RSPO3: variants seen among roughly 807,000 people sequenced by gnomAD.
RSPO3 encodes the protein R-spondin-3.
A neutral mutation model predicts 36.5 loss-of-function variants in RSPO3; 17 were observed. The ratio of observed to expected loss-of-function variants is 0.47; its 90% CI spans 0.32 to 0.70. RSPO3 has a LOEUF of 0.70. Ranked by LOEUF, RSPO3 falls within the 30% of genes least tolerant of loss-of-function variation. The pLI is 0.04. For synonymous variants in RSPO3, 108 were observed against 107.0 expected (o/e 1.01, Z -0.06); for missense variants, 294 against 322.5 (o/e 0.91, Z 0.68).
At chr6:127,188,818 A>C (rs1775350002) in intron 4 of RSPO3, among the ~76,000 whole-genome samples, 1 of 152,154 alleles carries the variant, frequency 6.6e-6, no homozygotes, top group African/African-American at 2.4e-5. Context: ...GTACACTCCA[A>C]ATCTTGATTT....
At chr6:127,119,327 C>A in intron 1 of RSPO3, 38 bp downstream of exon 1, 1 of 1,457,574 alleles carries the variant, frequency 6.9e-7, no homozygotes, top group Non-Finnish European at 9.6e-7. Context: ...CTCCCTCCCG[C>A]CGCGTTCACC....
chr6:127,147,176 T>A (rs1582794442), intron 1 of RSPO3, among the ~76,000 whole-genome samples: 1 of 152,172 alleles, frequency 6.6e-6, no homozygotes, highest in East Asian at 1.9e-4. Context: ...GATGGTTTCC[T>A]ACAGGCAGAG....
chr6:127,154,561 A>G (rs1428050198), intron 3 of RSPO3, among the ~76,000 whole-genome samples: 2 of 152,126 alleles, frequency 1.3e-5, no homozygotes, highest in African/African-American at 4.8e-5. Flanking sequence ...CCTGAACCAT[A>G]CTCAGTAACA....
At chr6:127,164,602 G>T (rs958840347) in intron 4 of RSPO3, among the ~76,000 whole-genome samples, 1 of 151,964 alleles carries the variant, frequency 6.6e-6, no homozygotes, top group African/African-American at 2.4e-5. Flanking sequence ...GCATATGAAT[G>T]GTTTCTGGAA....
At chr6:127,122,227 T>TA (rs1773859959) in intron 1 of RSPO3, among the ~76,000 whole-genome samples, 1 of 152,176 alleles carries the variant, frequency 6.6e-6, no homozygotes, top group Non-Finnish European at 1.5e-5. Flanking sequence ...TTTCTTCTCA[T>TA]AAAAGAAACA....
intron 4 of RSPO3, among the ~76,000 whole-genome samples, chr6:127,187,267 G>A (rs1775314738): frequency 6.6e-6 from 1 of 152,098 alleles, no homozygotes; most frequent in African/African-American, 2.4e-5. Flanking sequence ...AGGCTTTAAT[G>A]GTCTTTGAAA....
In RSPO3 at chr6:127,118,768, C is replaced by A. The variant is rs968980949; in HGVS notation, c.-425C>A. Reference sequence around the variant, plus strand: ...TGTGCCGACGGCGCCCGCTCCCCTGCGCTCCAGGGGCCCCCGCCGCTGCAG... The same window carrying A: ...TGTGCCGACGGCGCCCGCTCCCCTGAGCTCCAGGGGCCCCCGCCGCTGCAG... On this transcript the variant is annotated 5_prime_UTR_variant, in exon 1 of 5. Transcript: ENST00000356698. 1.6e-4 allele frequency: 24 copies of A among 153,784 alleles called. No homozygotes were observed. Among genetic ancestry groups the A allele is most frequent in the Non-Finnish European group, 2.9e-4 (20 of 68,962 alleles). The allele number at this position is 153,784 out of a possible 1,614,324, so 9.5% of individuals were successfully genotyped here. A position where few individuals can be genotyped will look rare whatever the true frequency, so the allele number is the denominator to read the frequency against.
chr6:127,119,939 C>T (rs1773806969), intron 1 of RSPO3: 1 of 152,662 alleles, frequency 6.6e-6, no homozygotes, highest in East Asian at 1.9e-4. Context: ...GGGTTGAAGA[C>T]AGCAAAACCC....
rs765283705 is a variant in RSPO3, at chr6:127,195,841, G to C, written c.653G>C (p.Arg218Thr). Residue 218 changes from arginine to threonine, a missense_variant, in exon 5 of 5, where the codon AGG (arginine) becomes ACG (threonine). By Grantham distance (71) the Arg-to-Thr change is moderately conservative (BLOSUM62 -1). Around this residue, in one of 3 missense-constraint regions of RSPO3, gnomAD observed 190 missense variants for 185.2 expected, o/e 1.03. Transcript: ENST00000356698. ...ATTTCAGGAAAAAAAGGAAGGGAGA[G>C]GAAAAGAAAAAAACCTAATAAAGGA... ...KGERGKKGRERKRKKPNKGES... is the reference protein window; with the variant it reads ...KGERGKKGRETKRKKPNKGES... 3 of 1,540,364 alleles carry C rather than the reference G, an allele frequency of 1.9e-6. No individual in the cohort carries two copies. Among genetic ancestry groups the C allele is most frequent in the Non-Finnish European group, 2.6e-6 (3 of 1,142,304 alleles).
At chr6:127,164,539 T>C (rs1184656727) in intron 4 of RSPO3, among the ~76,000 whole-genome samples, 1 of 151,402 alleles carries the variant, frequency 6.6e-6, no homozygotes, top group Non-Finnish European at 1.5e-5. Context: ...TGCTAGAAAC[T>C]TTTTTTTTGG....
At position 127,196,436 on chromosome 6, in the gene RSPO3, T is replaced by C. The variant is rs1775516875; in HGVS notation, c.*429T>C. On this transcript the variant is annotated 3_prime_UTR_variant, in exon 5 of 5. Coordinates refer to ENST00000356698, the MANE Select transcript of RSPO3 (RefSeq NM_032784.5). ...AATAGGAGTTCAGGGAAGAGAAACA[T>C]CCTTCAAAGGACAGTGTTGTTTTGA... 1 of 152,378 alleles carries C rather than the reference T, an allele frequency of 6.6e-6. No individual in the cohort carries two copies. Among genetic ancestry groups the C allele is most frequent in the South Asian group, 2.1e-4 (1 of 4,840 alleles). The allele number at this position is 152,378 out of a possible 1,614,324, so 9.4% of individuals were successfully genotyped here.
At chr6:127,141,872 C>CTTAT (rs1347804325) in intron 1 of RSPO3, among the ~76,000 whole-genome samples, 1 of 151,700 alleles carries the variant, frequency 6.6e-6, no homozygotes, top group Non-Finnish European at 1.5e-5. Context: ...TATGTATATA[C>CTTAT]ACACATATAT....
intron 1 of RSPO3, among the ~76,000 whole-genome samples, chr6:127,123,167 C>G (rs1773877889): frequency 1.3e-5 from 2 of 152,082 alleles, no homozygotes; most frequent in African/African-American, 4.8e-5. Flanking sequence ...TTGAGCCAGT[C>G]TTTGAAATTA....
At chr6:127,190,805 A>G (rs1033426980) in intron 4 of RSPO3, among the ~76,000 whole-genome samples, 1 of 152,220 alleles carries the variant, frequency 6.6e-6, no homozygotes, top group Admixed American at 6.5e-5. Context: ...ACAAAGCAGC[A>G]GCTTTTATGA....
Position 127,119,183 on chromosome 6 carries a change from C to T in RSPO3, c.-10C>T. The stretch of plus-strand genomic sequence containing the variant: ...AGAGGAGAAAGGAAGGGAAGCATTA[C>T]TGGGTTACTATGCACTTGCGACTGA... On this transcript the variant is annotated 5_prime_UTR_variant, in exon 1 of 5. Transcript: ENST00000356698. The T allele has an allele frequency of 6.3e-7, 1 of 1,582,448 alleles. No homozygotes were observed.
At chr6:127,153,987 C>T (rs767145825) in intron 3 of RSPO3, among the ~76,000 whole-genome samples, 3 of 152,046 alleles carry the variant, frequency 2.0e-5, no homozygotes, top group Admixed American at 6.6e-5. Flanking sequence ...TAAAATGGTT[C>T]AATAAAGTTC....
chr6:127,144,655 TTCAGACAGAGTCTCACTCTGTCAC>T (rs1370306025), intron 1 of RSPO3, among the ~76,000 whole-genome samples: 1 of 147,320 alleles, frequency 6.8e-6, no homozygotes, highest in Non-Finnish European at 1.5e-5. Context: ...TTTTTTTTTT[TTCAGACAGAGTCTCACTCTGTCAC>T]CCAGGCTGGA....
chr6:127,148,846 G>C lies in RSPO3; in HGVS notation c.289+7G>C. The C allele has an allele frequency of 6.3e-7, 1 of 1,597,252 alleles. No individual in the cohort carries two copies. The highest frequency in any genetic ancestry group is 1.1e-5 in the South Asian group (1 of 89,362). On this transcript the variant is annotated splice_region_variant and intron_variant, in intron 2 of 4. Transcript: ENST00000356698. Reference sequence around the variant, plus strand: ...GATATAAATAAGTGTACAAGTAAGTGCCCACACGAAATTGTATTTTTATCT... The same window carrying C: ...GATATAAATAAGTGTACAAGTAAGTCCCCACACGAAATTGTATTTTTATCT...
intron 4 of RSPO3, among the ~76,000 whole-genome samples, chr6:127,182,608 T>C (rs997348738): frequency 2.6e-5 from 4 of 151,990 alleles, no homozygotes; most frequent in Non-Finnish European, 5.9e-5. Context: ...AAGCCTTTCC[T>C]GAGACTTTCT....
Sources: gnomAD v4.1 joint callset for allele counts (sites outside exome capture counted in the v4.1 genomes callset) on GRCh38, gnomAD v4.1.1 for gene constraint, gnomAD v4.1.1 regional missense constraint, MANE v1.5 for transcripts, NCBI Gene and HGNC (gene_info 2026-07-23, HGNC 2026-07-21) for gene names.